The following TCEA3 variants were observed in gnomAD, a reference collection of about 807,000 sequenced individuals.
TCEA3 encodes transcription elongation factor A protein 3.
TCEA3 carries 36 observed loss-of-function variants against 44.0 expected under a neutral mutation model. That is an observed-to-expected ratio of 0.82 (90% confidence interval 0.63 to 1.08). The LOEUF is 1.08. Among genes scored for constraint, TCEA3 ranks in the 50% least tolerant of loss-of-function variants. The pLI is 0.00. For synonymous variants in TCEA3, 162 were observed against 159.7 expected (o/e 1.01, Z -0.11); for missense variants, 392 against 441.2 (o/e 0.89, Z 1.00).
intron 5 of TCEA3, among the ~76,000 whole-genome samples, chr1:23,399,971 C>T (rs1397851568): frequency 1.3e-5 from 2 of 151,736 alleles, no homozygotes; most frequent in South Asian, 4.2e-4. Flanking sequence ...CTACTGTGCC[C>T]GGCCAAAAAA....
At chr1:23,411,846 T>C (rs1639715569) in intron 4 of TCEA3, among the ~76,000 whole-genome samples, 1 of 152,266 alleles carries the variant, frequency 6.6e-6, no homozygotes, top group Admixed American at 6.5e-5. Flanking sequence ...TAGCCAGTTC[T>C]TGTTTTTCTT....
At chr1:23,407,750 T>C (rs2148571295) in intron 5 of TCEA3, among the ~76,000 whole-genome samples, 1 of 152,136 alleles carries the variant, frequency 6.6e-6, no homozygotes, top group South Asian at 2.1e-4. Context: ...GCAGGGATTT[T>C]TGTCTCTTTT....
chr1:23,409,941 G>A (rs1395663230), intron 4 of TCEA3, among the ~76,000 whole-genome samples: 1 of 152,034 alleles, frequency 6.6e-6, no homozygotes, highest in African/African-American at 2.4e-5. Context: ...TCACTGTGGT[G>A]AACATTGTCT....
Position 23,381,243 on chromosome 1 carries a change from A to G in TCEA3, c.*223T>C, listed in dbSNP as rs552035782. ...TGCAGTTTCTAAAAGAGGTTCATCAATACAAATTCTCAGCATCATTCTCCA... is the reference window on the plus strand; with the variant it reads ...TGCAGTTTCTAAAAGAGGTTCATCAGTACAAATTCTCAGCATCATTCTCCA... On this transcript the variant is annotated 3_prime_UTR_variant, in exon 11 of 11. Transcript: ENST00000450454. 8 of 580,270 alleles carry G rather than the reference A, an allele frequency of 1.4e-5. No homozygotes were observed. Among genetic ancestry groups the G allele is most frequent in the East Asian group, 8.8e-5 (3 of 34,106 alleles). 35.9% of individuals were successfully genotyped at this position (580,270 alleles called of 1,614,324 possible). A position where few individuals can be genotyped will look rare whatever the true frequency, so the allele number is the denominator to read the frequency against.
At chr1:23,409,544 T>A (rs529612769) in intron 4 of TCEA3, among the ~76,000 whole-genome samples, 2 of 152,202 alleles carry the variant, frequency 1.3e-5, no homozygotes, top group East Asian at 3.9e-4. Context: ...GCATACTACA[T>A]AATTGACTTT....
At chr1:23,397,134 G>T (rs527613899) in intron 7 of TCEA3, among the ~76,000 whole-genome samples, 6 of 152,246 alleles carry the variant, frequency 3.9e-5, no homozygotes, top group Admixed American at 2.0e-4. Context: ...GCCAACTGAG[G>T]CACGCTATTA....
chr1:23,424,447 G>C, intron 1 of TCEA3, 118 bp downstream of exon 1: 1 of 871,010 alleles, frequency 1.1e-6, no homozygotes, highest in Non-Finnish European at 1.8e-6. Flanking sequence ...CCTCCCTCGG[G>C]TCCCCGAGTC....
Position 23,387,264 on chromosome 1 carries a change from T to C in TCEA3, c.966+9A>G. Reference sequence around the variant, plus strand: ...CTGCACCTCCGGCCCGTCCCCTCACTGTCCTTACCTGGTTATAGGTGCAGT... The same window carrying C: ...CTGCACCTCCGGCCCGTCCCCTCACCGTCCTTACCTGGTTATAGGTGCAGT... On this transcript the variant is annotated intron_variant, in intron 9 of 10. Transcript: ENST00000450454. The C allele has an allele frequency of 6.2e-7, 1 of 1,613,170 alleles. No homozygotes were observed. The highest frequency in any genetic ancestry group is 8.5e-7 in the Non-Finnish European group (1 of 1,179,648).
intron 4 of TCEA3, among the ~76,000 whole-genome samples, chr1:23,413,200 G>A (rs146016985): frequency 5.9e-5 from 9 of 151,946 alleles, no homozygotes; most frequent in East Asian, 3.9e-4. Context: ...GCAGTAGTGC[G>A]ATCTCGGCTC....
chr1:23,418,170 G>A lies in TCEA3; in HGVS notation c.133-161C>T. The A allele has an allele frequency of 9.1e-6, 6 of 660,316 alleles. No homozygotes were observed. The South Asian group carries it at 1.1e-4, about 12-fold the overall frequency. The allele number at this position is 660,316 out of a possible 1,614,324, so 40.9% of individuals were successfully genotyped here. A position where few individuals can be genotyped will look rare whatever the true frequency, so the allele number is the denominator to read the frequency against. On this transcript the variant is annotated intron_variant, in intron 2 of 10. Transcript: ENST00000450454. ...TGGCTGAGGTCAGAACCCCACTACT[G>A]TAACTAAGGCCCTGCTCTGCACGAG...
At chr1:23,395,917 G>A (rs1639203832) in intron 7 of TCEA3, among the ~76,000 whole-genome samples, 1 of 152,010 alleles carries the variant, frequency 6.6e-6, no homozygotes, top group South Asian at 2.1e-4. Flanking sequence ...GTTTCAAACT[G>A]GGCTTAAAGG....
intron 5 of TCEA3, among the ~76,000 whole-genome samples, chr1:23,399,170 A>G (rs1022820229): frequency 2.1e-5 from 3 of 140,762 alleles, no homozygotes; most frequent in Admixed American, 1.4e-4. Context: ...ATATATATAT[A>G]TATATATATC....
chr1:23,416,402 T>C (rs1202345663), intron 4 of TCEA3, among the ~76,000 whole-genome samples: 1 of 152,188 alleles, frequency 6.6e-6, no homozygotes, highest in African/African-American at 2.4e-5. Flanking sequence ...TACAGGATCA[T>C]TGTGAAAAAA....
At chr1:23,397,433 G>T in intron 7 of TCEA3, 112 bp downstream of exon 7, 1 of 906,712 alleles carries the variant, frequency 1.1e-6, no homozygotes, top group African/African-American at 1.7e-5. Context: ...CAGAGCAGGG[G>T]CTGTTCCCGG....
At chr1:23,424,456 T>C in intron 1 of TCEA3, 109 bp downstream of exon 1, 2 of 977,318 alleles carry the variant, frequency 2.0e-6, no homozygotes, top group South Asian at 2.9e-5. Flanking sequence ...GGTCCCCGAG[T>C]CCCGTACGCG....
intron 5 of TCEA3, chr1:23,404,198 G>A: frequency 1.4e-6 from 1 of 702,204 alleles, no homozygotes; most frequent in Non-Finnish European, 2.6e-6. Flanking sequence ...CAGGTAAAAG[G>A]ACAACTGAGA....
At chr1:23,398,519 G>A (rs1391594970) in intron 5 of TCEA3, among the ~76,000 whole-genome samples, 2 of 152,216 alleles carry the variant, frequency 1.3e-5, no homozygotes, top group Non-Finnish European at 2.9e-5. Flanking sequence ...CTAGTGAATA[G>A]TGACTATCTA....
intron 1 of TCEA3, 65 bp downstream of exon 1, chr1:23,424,500 C>G (rs374534473): frequency 6.0e-6 from 9 of 1,487,900 alleles, no homozygotes; most frequent in Non-Finnish European, 7.4e-6. Flanking sequence ...GTCCCCACCC[C>G]GGAATCCGGG....
At chr1:23,390,527 A>T (rs751016793) in intron 8 of TCEA3, among the ~76,000 whole-genome samples, 1 of 152,086 alleles carries the variant, frequency 6.6e-6, no homozygotes, top group Non-Finnish European at 1.5e-5. Context: ...AGATCAGAGG[A>T]CAAGAATAGC....
Sources: allele counts gnomAD v4.1 joint callset (sites outside exome capture counted in the v4.1 genomes callset), GRCh38; gene constraint gnomAD v4.1.1; transcripts MANE v1.5; gene names NCBI Gene and HGNC (gene_info 2026-07-23, HGNC 2026-07-21).